The following SYN2 variants were observed in gnomAD, a reference collection of about 807,000 sequenced individuals.
The protein encoded by SYN2 is synapsin II.
A neutral mutation model predicts 50.9 loss-of-function variants in SYN2; 19 were observed. The ratio of observed to expected loss-of-function variants is 0.37; its 90% confidence interval spans 0.26 to 0.55. The LOEUF (loss-of-function observed/expected upper bound fraction) is 0.55. Among genes scored for constraint, SYN2 ranks in the 20% least tolerant of loss-of-function variants. SYN2 has a pLI of 0.81. For missense variants in SYN2, 587 were observed against 576.4 expected (o/e 1.02, Z -0.19); for synonymous variants, 255 against 224.9 (o/e 1.13, Z -1.20).
chr3:12,097,548 G>A (rs1243567426), intron 1 of SYN2, among the ~76,000 whole-genome samples: 2 of 151,230 alleles, frequency 1.3e-5, no homozygotes, highest in Non-Finnish European at 2.9e-5. Context: ...GGAGCTTGCA[G>A]TGAGCCAAGA....
chr3:12,067,220 G>A (rs1001515328), intron 1 of SYN2, among the ~76,000 whole-genome samples: 1 of 152,052 alleles, frequency 6.6e-6, no homozygotes, highest in Admixed American at 6.5e-5. Flanking sequence ...GACAAATGCA[G>A]ATTTTAGCAT....
chr3:12,147,747 TG>T (rs1553618982), intron 4 of SYN2, among the ~76,000 whole-genome samples: 1 of 152,142 alleles, frequency 6.6e-6, no homozygotes, highest in Non-Finnish European at 1.5e-5. Context: ...ATCTACAAAC[TG>T]GGAATAATAG....
intron 5 of SYN2, chr3:12,156,991 TAACAGACAAA>T: frequency 7.8e-7 from 1 of 1,285,720 alleles, no homozygotes; most frequent in Non-Finnish European, 1.1e-6. Context: ...CTGTATATAT[TAACAGACAAA>T]AACCTCTCAC....
intron 1 of SYN2, among the ~76,000 whole-genome samples, chr3:12,041,618 C>T (rs1306160562): frequency 6.6e-6 from 1 of 152,182 alleles, no homozygotes; most frequent in Non-Finnish European, 1.5e-5. Flanking sequence ...ATTAGAGCCA[C>T]AGCCTTCTAG....
At chr3:12,017,850 C>T (rs1452072806) in intron 1 of SYN2, among the ~76,000 whole-genome samples, 1 of 152,130 alleles carries the variant, frequency 6.6e-6, no homozygotes, top group Non-Finnish European at 1.5e-5. Flanking sequence ...GATGAATATT[C>T]CTTCATTTTG....
At chr3:12,056,382 C>T (rs926562240) in intron 1 of SYN2, among the ~76,000 whole-genome samples, 1 of 150,860 alleles carries the variant, frequency 6.6e-6, no homozygotes, top group Non-Finnish European at 1.5e-5. Flanking sequence ...TGAGTGTTTG[C>T]CTTATAACAA....
At chr3:12,068,381 G>A (rs534362094) in intron 1 of SYN2, among the ~76,000 whole-genome samples, 1 of 152,248 alleles carries the variant, frequency 6.6e-6, no homozygotes, top group Admixed American at 6.5e-5. Context: ...TCTTTTGGAT[G>A]TTGATCTGTT....
chr3:12,078,286 T>A (rs891097344), intron 1 of SYN2, among the ~76,000 whole-genome samples: 1 of 152,220 alleles, frequency 6.6e-6, no homozygotes, highest in East Asian at 1.9e-4. Flanking sequence ...GTGATTATAG[T>A]TTTTTGCTGT....
At chr3:12,138,886 G>A (rs1347970102) in intron 1 of SYN2, among the ~76,000 whole-genome samples, 1 of 152,118 alleles carries the variant, frequency 6.6e-6, no homozygotes, top group Non-Finnish European at 1.5e-5. Flanking sequence ...TATAGTCATG[G>A]ACAAAAACCT....
chr3:12,100,940 C>T (rs1696060381), intron 1 of SYN2, among the ~76,000 whole-genome samples: 1 of 152,126 alleles, frequency 6.6e-6, no homozygotes, highest in Admixed American at 6.5e-5. Flanking sequence ...TACTATTTCA[C>T]ACCCCTTGTC....
At chr3:12,187,672 G>A in intron 12 of SYN2, 60 bp downstream of exon 12, 1 of 1,466,422 alleles carries the variant, frequency 6.8e-7, no homozygotes, top group Non-Finnish European at 9.1e-7. Context: ...TGGGCCTTGG[G>A]CTCCAGAGCT....
rs961987361 is a variant in SYN2, at chr3:12,111,398, C to A, written c.378-29253C>A. On this transcript the variant is annotated intron_variant, in intron 1 of 12. Coordinates refer to ENST00000621198, the MANE Select transcript of SYN2 (RefSeq NM_133625.6). ...TTAGCAGTGTGTAAATGGACTAATACACTTACCTAATGGGGTTGTGGTCTG... is the reference window on the plus strand; with the variant it reads ...TTAGCAGTGTGTAAATGGACTAATAAACTTACCTAATGGGGTTGTGGTCTG... 3.3e-5 allele frequency among the ~76,000 whole-genome samples: 5 copies of A among 152,152 alleles called. No individual in the cohort carries two copies. The East Asian group carries it at 9.6e-4, about 29-fold the overall frequency.
intron 1 of SYN2, among the ~76,000 whole-genome samples, chr3:12,129,561 A>T (rs1336291966): frequency 6.6e-6 from 1 of 151,876 alleles, no homozygotes; most frequent in East Asian, 1.9e-4. Flanking sequence ...TTTTCTGTGT[A>T]ACATGGTGGG....
At chr3:12,017,540 A>G (rs533014827) in intron 1 of SYN2, among the ~76,000 whole-genome samples, 1 of 152,206 alleles carries the variant, frequency 6.6e-6, no homozygotes, top group Non-Finnish European at 1.5e-5. Flanking sequence ...AGTGACACAG[A>G]TACATGTTTG....
rs373362766 is a variant in SYN2, at chr3:12,078,325, C to T, written c.378-62326C>T. Among the ~76,000 whole-genome samples the T allele has an allele frequency of 1.0e-3, 158 of 152,278 alleles. 1 individual carries two copies. The East Asian group carries it at 0.024, about 23-fold the overall frequency. The stretch of plus-strand genomic sequence containing the variant: ...GAAGCTCTTTAGTTTAATTATATCC[C>T]ATTTGTCAATTTTTGCTTTTGTTGC... On this transcript the variant is annotated intron_variant, in intron 1 of 12. Transcript: ENST00000621198.
chr3:12,157,561 A>G (rs2125231440), intron 5 of SYN2: 3 of 1,420,670 alleles, frequency 2.1e-6, no homozygotes, highest in East Asian at 2.3e-5. Flanking sequence ...TCCAGGGTCC[A>G]TGAAGAAGTC....
rs143470909 is a variant in SYN2 at position 12,158,770 on chromosome 3, G to T, written c.775-2776G>T. 6.9e-6 allele frequency: 11 copies of T among 1,604,970 alleles called. No individual in the cohort carries two copies. In the East Asian group the frequency reaches 2.2e-4, roughly 33 times the overall value. ...GCAGCTGCATGCCTCACCCAGCCCC[G>T]GGGGCCGCAGCAACGCCAGCAGCCG... On this transcript the variant is annotated intron_variant, in intron 5 of 12. Coordinates refer to ENST00000621198, the MANE Select transcript of SYN2 (RefSeq NM_133625.6).
chr3:12,141,067 C>T (rs765463164), intron 2 of SYN2, among the ~76,000 whole-genome samples: 3 of 152,178 alleles, frequency 2.0e-5, no homozygotes, highest in Admixed American at 6.5e-5. Flanking sequence ...AGATATTTCT[C>T]GGTAGGCACA....
At chr3:12,069,543 G>A (rs1278192893) in intron 1 of SYN2, among the ~76,000 whole-genome samples, 2 of 151,984 alleles carry the variant, frequency 1.3e-5, no homozygotes, top group East Asian at 1.9e-4. Flanking sequence ...CACTGCGCCC[G>A]GCCGTGGACA....
Sources: allele counts gnomAD v4.1 joint callset (sites outside exome capture counted in the v4.1 genomes callset), GRCh38; gene constraint gnomAD v4.1.1; transcripts MANE v1.5; gene names NCBI Gene and HGNC (gene_info 2026-07-23, HGNC 2026-07-21).